Variants in GRAMD4 observed in about 807,000 individuals in gnomAD.
GRAMD4 encodes the protein GRAM domain-containing protein 4.
In GRAMD4, 25 loss-of-function variants were observed where a neutral mutation model predicts 83.9. The ratio of observed to expected loss-of-function variants is 0.30; its 90% CI spans 0.22 to 0.42. GRAMD4 has a LOEUF of 0.42. Ranked by LOEUF, GRAMD4 falls within the 10% of genes least tolerant of loss-of-function variation. GRAMD4 has a pLI of 1.00. For missense variants in GRAMD4, 593 were observed against 788.7 expected, an observed-to-expected ratio of 0.75 and a Z score of 2.97; for synonymous variants, 336 against 320.9, an observed-to-expected ratio of 1.05 and a Z score of -0.50.
intron 3 of GRAMD4, among the ~76,000 whole-genome samples, chr22:46,646,683 G>A (rs1293633689): frequency 6.6e-6 from 1 of 152,228 alleles, no homozygotes; most frequent in Non-Finnish European, 1.5e-5. Context: ...GCCTGTGGGT[G>A]TGGTTCTTGG....
At chr22:46,580,402 C>T (rs981430928) in intron 1 of GRAMD4, among the ~76,000 whole-genome samples, 11 of 152,352 alleles carry the variant, frequency 7.2e-5, no homozygotes, top group Admixed American at 7.2e-4. Flanking sequence ...GGTGGCACAG[C>T]AATGGTCCTG....
chr22:46,604,571 C>T (rs182157424), intron 1 of GRAMD4, among the ~76,000 whole-genome samples: 146 of 152,358 alleles, frequency 9.6e-4, no homozygotes, highest in African/African-American at 3.3e-3. Flanking sequence ...TCCCCACCCC[C>T]GACACCTCCC....
At chr22:46,675,415 G>A (rs933601715) in intron 16 of GRAMD4, 53 bp from the exon 17 acceptor site, 37 of 1,250,030 alleles carry the variant, frequency 3.0e-5, no homozygotes, top group Non-Finnish European at 4.1e-5. Context: ...CACCTGGTGG[G>A]AGCGTGCTCT....
intron 3 of GRAMD4, among the ~76,000 whole-genome samples, chr22:46,645,057 G>A (rs1264609464): frequency 5.9e-5 from 9 of 151,668 alleles, no homozygotes; most frequent in East Asian, 1.9e-4. Flanking sequence ...TGCTTGTTCC[G>A]TTGATGGACA....
intron 1 of GRAMD4, among the ~76,000 whole-genome samples, chr22:46,608,362 C>T (rs924037719): frequency 6.6e-5 from 10 of 152,182 alleles, no homozygotes; most frequent in Admixed American, 2.6e-4. Flanking sequence ...GTGGACCTTG[C>T]GGGTTTTTGA....
intron 18 of GRAMD4, 31 bp from the exon 19 acceptor site, chr22:46,677,116 A>G (rs1250430177): frequency 1.2e-6 from 2 of 1,609,992 alleles, no homozygotes; most frequent in Non-Finnish European, 1.7e-6. Flanking sequence ...TGGCTGTGCC[A>G]TGCTCACTGG....
chr22:46,629,402 T>C (rs2081731138), intron 2 of GRAMD4, among the ~76,000 whole-genome samples: 1 of 152,186 alleles, frequency 6.6e-6, no homozygotes, highest in Admixed American at 6.5e-5. Context: ...GACCGTGAAA[T>C]ACTGATTCGC....
At chr22:46,585,546 C>T (rs922992188) in intron 1 of GRAMD4, among the ~76,000 whole-genome samples, 5 of 152,232 alleles carry the variant, frequency 3.3e-5, no homozygotes, top group Non-Finnish European at 4.4e-5. Flanking sequence ...AGGAAGCCTC[C>T]GGTCACAGCA....
chr22:46,594,538 G>A (rs892323459), intron 1 of GRAMD4, among the ~76,000 whole-genome samples: 1 of 151,226 alleles, frequency 6.6e-6, no homozygotes, highest in Non-Finnish European at 1.5e-5. Context: ...GCCCTTGGTA[G>A]AGGAAGGGGC....
chr22:46,671,167 T>C, intron 13 of GRAMD4: 2 of 452,562 alleles, frequency 4.4e-6, no homozygotes, highest in Non-Finnish European at 9.4e-6. Flanking sequence ...GGCCACCACG[T>C]GGAGGAGGCC....
In GRAMD4 at chr22:46,582,443, T is replaced by C. The variant is rs547214354; in HGVS notation, c.-50+5153T>C. Among the ~76,000 whole-genome samples, 520 of 152,226 alleles carry C rather than the reference T, an allele frequency of 3.4e-3. 1 individual carries two copies. The highest frequency in any genetic ancestry group is 6.8e-3 in the Middle Eastern group (2 of 294). On this transcript the variant is annotated intron_variant, in intron 1 of 1. Coordinates refer to the GRAMD4 transcript ENST00000431155. ...GTCCCCCCTCCAGGGAGGCCTCCCA[T>C]GAGTGCCCCAGCTGTGCCTCTGCTG...
chr22:46,680,853 TCCACCCACCCAC>T (rs1168351335), downstream of GRAMD4, among the ~76,000 whole-genome samples: 2 of 64,544 alleles, frequency 3.1e-5, no homozygotes, highest in Admixed American at 1.5e-4. Context: ...CATCCATCTT[TCCACCCACCCAC>T]CCACCCACCT....
Position 46,672,853 on chromosome 22 carries a change from T to C in GRAMD4, c.1095T>C (p.Ala365=), listed in dbSNP as rs1428607823. Residue 365 remains alanine, a synonymous_variant, in exon 14 of 19, where the codon GCT becomes GCC. Transcript: ENST00000406902. The surrounding 1 kb of genome is among the most constrained non-coding windows in gnomAD (Gnocchi z 4.7). The part of the protein sequence containing the change: ...RLVGLAVGLY[A]GIKFFLIDFI... Reference sequence around the variant, plus strand: ...GTCCCCTGCCCTCAGGACTCTATGCTGGTATCAAGTTCTTCCTCATTGATT... The same window carrying C: ...GTCCCCTGCCCTCAGGACTCTATGCCGGTATCAAGTTCTTCCTCATTGATT... 30 of 1,612,394 alleles carry C rather than the reference T, an allele frequency of 1.9e-5. No individual in the cohort carries two copies. In the East Asian group the frequency reaches 6.7e-4, roughly 36 times the overall value.
In GRAMD4 at chr22:46,622,611, C is replaced by T. The variant is rs1015522511; in HGVS notation, c.-50+2046C>T. Among the ~76,000 whole-genome samples the T allele has an allele frequency of 2.0e-5, 3 of 152,112 alleles. No individual in the cohort carries two copies. The highest frequency in any genetic ancestry group is 4.4e-5 in the Non-Finnish European group (3 of 68,036). On this transcript the variant is annotated intron_variant, in intron 1 of 18. Coordinates refer to ENST00000406902, the MANE Select transcript of GRAMD4 (RefSeq NM_015124.5). This position sits in a 1 kb window ranked among gnomAD's most constrained non-coding sequence, Gnocchi z 4.0. Reference sequence around the variant, plus strand: ...ATGTAATTTATGCCACGGAGCTGCACGCTAAAAACTGGTGAAGTTGGGCTG... The same window carrying T: ...ATGTAATTTATGCCACGGAGCTGCATGCTAAAAACTGGTGAAGTTGGGCTG...
rs537471350 is a variant in GRAMD4, at chr22:46,655,383, G to T, written c.284-2804G>T. 8.7e-4 allele frequency among the ~76,000 whole-genome samples: 133 copies of T among 152,294 alleles called. 1 individual carries two copies. Among genetic ancestry groups the T allele is most frequent in the African/African-American group, 3.0e-3 (126 of 41,580 alleles). On this transcript the variant is annotated intron_variant, in intron 3 of 18. Coordinates refer to ENST00000406902, the MANE Select transcript of GRAMD4 (RefSeq NM_015124.5). The stretch of plus-strand genomic sequence containing the variant: ...ACAAGTTCTGGCTTGTGCTTTACAA[G>T]CAGCCTTGGACCTCAGCTTGGAGCC...
chr22:46,609,911 G>C (rs967823861), intron 1 of GRAMD4, among the ~76,000 whole-genome samples: 1 of 152,172 alleles, frequency 6.6e-6, no homozygotes, highest in Non-Finnish European at 1.5e-5. Context: ...TGTGGACGGG[G>C]GCCTACACTG....
chr22:46,631,107 A>G (rs1019592553), intron 2 of GRAMD4, among the ~76,000 whole-genome samples: 1 of 152,248 alleles, frequency 6.6e-6, no homozygotes, highest in East Asian at 1.9e-4. Flanking sequence ...GAAGTTGGTC[A>G]TCTTTGCACA....
chr22:46,603,662 G>T (rs796451023), intron 1 of GRAMD4, among the ~76,000 whole-genome samples: 1 of 151,022 alleles, frequency 6.6e-6, no homozygotes, highest in Admixed American at 6.6e-5. Flanking sequence ...GATTACAGGC[G>T]CCCACCACCA....
intron 4 of GRAMD4, among the ~76,000 whole-genome samples, chr22:46,660,621 A>G (rs1219250571): frequency 2.6e-5 from 4 of 152,238 alleles, no homozygotes; most frequent in Non-Finnish European, 5.9e-5. Context: ...GTTTAAGGCT[A>G]CTTGTCAGTA....
Sources: allele counts gnomAD v4.1 joint callset (sites outside exome capture counted in the v4.1 genomes callset), GRCh38; gene constraint gnomAD v4.1.1; non-coding constraint Gnocchi (gnomAD v3.1); transcripts MANE v1.5; gene names NCBI Gene and HGNC (gene_info 2026-07-23, HGNC 2026-07-21).